Variants in CHL1 observed in about 807,000 individuals in gnomAD.
CHL1 encodes cell adhesion molecule L1 like.
CHL1 carries 96 observed loss-of-function variants against 141.9 expected under a neutral mutation model. The observed-to-expected ratio is 0.68, with a 90% CI of 0.57 to 0.80. The LOEUF is 0.80. Among genes scored for constraint, CHL1 ranks in the 30% least tolerant of loss-of-function variants. CHL1 has a pLI of 0.00. For missense variants in CHL1, 1,820 were observed against 1,457.2 expected, an observed-to-expected ratio of 1.25 and a Z score of -4.05; for synonymous variants, 613 against 502.2, an observed-to-expected ratio of 1.22 and a Z score of -2.95.
intron 15 of CHL1, among the ~76,000 whole-genome samples, chr3:369,760 G>C (rs1483843142): frequency 6.6e-6 from 1 of 152,178 alleles, no homozygotes; most frequent in African/African-American, 2.4e-5. Flanking sequence ...TTATTATTTT[G>C]AGATGTGTTC....
intron 2 of CHL1, among the ~76,000 whole-genome samples, chr3:299,808 CA>C (rs1698557693): frequency 6.6e-6 from 1 of 152,146 alleles, no homozygotes; most frequent in Non-Finnish European, 1.5e-5. Flanking sequence ...GAGTGTATAT[CA>C]GTGTGCCTCT....
At chr3:225,327 T>C (rs1366971325) in intron 1 of CHL1, among the ~76,000 whole-genome samples, 1 of 152,196 alleles carries the variant, frequency 6.6e-6, no homozygotes, top group Non-Finnish European at 1.5e-5. Flanking sequence ...AGTATGTAGA[T>C]GATTAATAGA....
At chr3:404,818 G>A (rs1709406117) in intron 27 of CHL1, among the ~76,000 whole-genome samples, 3 of 152,172 alleles carry the variant, frequency 2.0e-5, no homozygotes. Flanking sequence ...CTCTGTCTGA[G>A]TCCATTAGGG....
chr3:403,993 C>T (rs927837196), intron 27 of CHL1, among the ~76,000 whole-genome samples: 3 of 152,156 alleles, frequency 2.0e-5, no homozygotes, highest in African/African-American at 4.8e-5. Flanking sequence ...AGCCAATTAT[C>T]GTATCAGTCA....
intron 1 of CHL1, among the ~76,000 whole-genome samples, chr3:202,403 A>T (rs1435855317): frequency 6.6e-6 from 1 of 152,232 alleles, no homozygotes; most frequent in Non-Finnish European, 1.5e-5. Flanking sequence ...TCCTACATTA[A>T]TTATATGCAC....
intron 15 of CHL1, among the ~76,000 whole-genome samples, chr3:375,126 G>A (rs1256267335): frequency 6.6e-6 from 1 of 152,012 alleles, no homozygotes; most frequent in Non-Finnish European, 1.5e-5. Context: ...TGCCCCCCCA[G>A]GAATTTTCTG....
intron 5 of CHL1, among the ~76,000 whole-genome samples, chr3:337,898 T>C (rs929032204): frequency 6.6e-6 from 1 of 152,216 alleles, no homozygotes; most frequent in African/African-American, 2.4e-5. Flanking sequence ...AGTAATGGGA[T>C]GGCTGGGTCA....
intron 2 of CHL1, among the ~76,000 whole-genome samples, chr3:259,737 C>A (rs1694529932): frequency 6.6e-6 from 1 of 152,110 alleles, no homozygotes; most frequent in Admixed American, 6.5e-5. Flanking sequence ...CTATTTGTCA[C>A]AACGAGTTTA....
chr3:369,067 G>T (rs1705276444), intron 15 of CHL1, among the ~76,000 whole-genome samples: 1 of 152,106 alleles, frequency 6.6e-6, no homozygotes, highest in Admixed American at 6.6e-5. Flanking sequence ...GGATTGTTTT[G>T]TCTATATGGG....
chr3:328,502 C>T (rs1339761800), intron 5 of CHL1, 148 bp downstream of exon 5: 1 of 581,516 alleles, frequency 1.7e-6, no homozygotes, highest in East Asian at 3.2e-5. Context: ...AAATTTCCTC[C>T]AGGTCTTGAT....
At chr3:349,254 G>A in intron 9 of CHL1, 105 bp from the exon 10 acceptor site, 1 of 890,202 alleles carries the variant, frequency 1.1e-6, no homozygotes, top group Non-Finnish European at 1.7e-6. Flanking sequence ...TGGAATATGA[G>A]CACATGTGTA....
intron 1 of CHL1, among the ~76,000 whole-genome samples, chr3:211,606 T>G (rs1699909071): frequency 6.6e-6 from 1 of 152,180 alleles, no homozygotes. Context: ...ATACTATCAT[T>G]CTTCTACCTC....
intron 11 of CHL1, among the ~76,000 whole-genome samples, chr3:356,903 T>G (rs1362160471): frequency 6.6e-6 from 1 of 152,150 alleles, no homozygotes; most frequent in East Asian, 1.9e-4. Flanking sequence ...AGCAGAAGAG[T>G]GACACAATCT....
intron 25 of CHL1, among the ~76,000 whole-genome samples, 175 bp downstream of exon 25, chr3:398,560 A>G (rs1645012418): frequency 6.6e-6 from 1 of 152,258 alleles, no homozygotes; most frequent in Non-Finnish European, 1.5e-5. Flanking sequence ...AATGTTTCAC[A>G]GTAGTCCACC....
chr3:199,676 C>T (rs919905420), intron 1 of CHL1, among the ~76,000 whole-genome samples: 2 of 152,118 alleles, frequency 1.3e-5, no homozygotes, highest in Non-Finnish European at 2.9e-5. Flanking sequence ...ACAGATGTCA[C>T]CATCACAAAG....
At chr3:289,982 T>A (rs34294527) in intron 2 of CHL1, among the ~76,000 whole-genome samples, 1 of 128,644 alleles carries the variant, frequency 7.8e-6, no homozygotes, top group African/African-American at 3.2e-5. Flanking sequence ...TCACCCAGGG[T>A]GGAGTGCAGT....
chr3:357,117 G>C (rs1056497977), intron 11 of CHL1, among the ~76,000 whole-genome samples: 1 of 152,120 alleles, frequency 6.6e-6, no homozygotes, highest in Non-Finnish European at 1.5e-5. Flanking sequence ...AAACTTATGC[G>C]AGACCACACA....
At chr3:401,446 T>C (rs941540900) in intron 26 of CHL1, among the ~76,000 whole-genome samples, 180 bp from the exon 27 acceptor site, 2 of 152,194 alleles carry the variant, frequency 1.3e-5, no homozygotes, top group Non-Finnish European at 2.9e-5. Context: ...CTCTCTTTTT[T>C]GTTTAAACAA....
chr3:202,478 C>G (rs1699041710), intron 1 of CHL1, among the ~76,000 whole-genome samples: 1 of 152,188 alleles, frequency 6.6e-6, no homozygotes, highest in African/African-American at 2.4e-5. Flanking sequence ...TTAGGCTTGG[C>G]TGAAATTAGA....
Sources: gnomAD v4.1 joint callset for allele counts (sites outside exome capture counted in the v4.1 genomes callset) on GRCh38, gnomAD v4.1.1 for gene constraint, MANE v1.5 for transcripts, NCBI Gene and HGNC (gene_info 2026-07-23, HGNC 2026-07-21) for gene names.